CCDC7: variants seen among roughly 807,000 people sequenced by gnomAD.
CCDC7 encodes coiled-coil domain containing 7, also known as coiled-coil domain-containing protein 7.
CCDC7 carries 183 observed loss-of-function variants against 196.9 expected under a neutral mutation model. The ratio of observed to expected loss-of-function variants is 0.93; its 90% CI spans 0.82 to 1.05. The LOEUF (loss-of-function observed/expected upper bound fraction) is 1.05, where lower values mean the gene tolerates loss of function less well. CCDC7 is among the 50% of genes least tolerant of loss of function. The pLI is 0.00. For synonymous variants in CCDC7, 525 were observed against 484.6 expected, an observed-to-expected ratio of 1.08 and a Z score of -1.10; for missense variants, 1,540 against 1,482.2, an observed-to-expected ratio of 1.04 and a Z score of -0.64.
At chr10:32,772,956 C>T (rs556283798) in intron 28 of CCDC7, among the ~76,000 whole-genome samples, 2 of 152,232 alleles carry the variant, frequency 1.3e-5, no homozygotes, top group South Asian at 2.1e-4. Context: ...TGTTCAGGTT[C>T]GGCATCACTT....
chr10:32,506,446 CG>C (rs2045137830), intron 9 of CCDC7, among the ~76,000 whole-genome samples: 1 of 152,118 alleles, frequency 6.6e-6, no homozygotes, highest in Admixed American at 6.5e-5. Context: ...ACTTCCTAGA[CG>C]GGGTGGCAGG....
chr10:32,462,952 T>C lies in CCDC7; in HGVS notation c.478-65T>C. On this transcript the variant is annotated intron_variant, in intron 4 of 41. Coordinates refer to ENST00000639629, the Ensembl canonical transcript of CCDC7. ...ACAGACACACATTTATATAGATATT[T>C]ATTTCATCAGTGCAATTTAAGTAGT... The C allele has an allele frequency of 3.8e-6, 6 of 1,597,332 alleles. No homozygotes were observed. The South Asian group carries it at 6.7e-5, about 18-fold the overall frequency.
intron 33 of CCDC7, among the ~76,000 whole-genome samples, chr10:32,843,610 G>A (rs1339777497): frequency 6.6e-6 from 1 of 152,006 alleles, no homozygotes; most frequent in African/African-American, 2.4e-5. Context: ...AAACATGAAT[G>A]TTACTAGATT....
At chr10:32,845,843 T>C (rs755890428) in intron 35 of CCDC7, 33 bp from the exon 37 acceptor site, 4 of 1,502,702 alleles carry the variant, frequency 2.7e-6, no homozygotes, top group Non-Finnish European at 3.7e-6. Flanking sequence ...GTTTACCTTA[T>C]AAAATATATT....
At chr10:32,516,129 C>T (rs2046992619) in intron 9 of CCDC7, among the ~76,000 whole-genome samples, 1 of 151,756 alleles carries the variant, frequency 6.6e-6, no homozygotes, top group Admixed American at 6.6e-5. Flanking sequence ...TGCTAAAGTA[C>T]TTAGAAGAAT....
chr10:32,781,691 A>G (rs1425842494), intron 29 of CCDC7, among the ~76,000 whole-genome samples: 1 of 152,224 alleles, frequency 6.6e-6, no homozygotes, highest in Non-Finnish European at 1.5e-5. Flanking sequence ...ATCCACAACT[A>G]ACATCATATT....
intron 8 of CCDC7, among the ~76,000 whole-genome samples, chr10:32,474,528 C>G (rs529810117): frequency 6.6e-6 from 1 of 151,910 alleles, no homozygotes; most frequent in Non-Finnish European, 1.5e-5. Flanking sequence ...TGAGCCACTG[C>G]GCCCGGCCTA....
At chr10:32,466,157 C>T (rs950577977) in intron 5 of CCDC7, among the ~76,000 whole-genome samples, 1 of 151,908 alleles carries the variant, frequency 6.6e-6, no homozygotes, top group African/African-American at 2.4e-5. Context: ...ATGTTTAAAC[C>T]CATAATTACT....
chr10:32,815,868 G>A (rs907034937), intron 31 of CCDC7, among the ~76,000 whole-genome samples: 7 of 152,306 alleles, frequency 4.6e-5, no homozygotes, highest in African/African-American at 1.4e-4. Flanking sequence ...AAGAGCGGTG[G>A]AGCCAAGATG....
chr10:32,467,547 C>A (rs2037094906), intron 5 of CCDC7, among the ~76,000 whole-genome samples: 1 of 152,106 alleles, frequency 6.6e-6, no homozygotes, highest in Non-Finnish European at 1.5e-5. Context: ...TGCCTGTTTA[C>A]TCTGTTGGTA....
At chr10:32,461,333 T>A (rs1255703284) in intron 3 of CCDC7, among the ~76,000 whole-genome samples, 1 of 152,164 alleles carries the variant, frequency 6.6e-6, no homozygotes, top group Non-Finnish European at 1.5e-5. Context: ...GGCAAAATCA[T>A]CTAACACAAA....
chr10:32,456,315 C>G, exon 3 of CCDC7: 1 of 1,570,708 alleles, frequency 6.4e-7, no homozygotes, highest in Non-Finnish European at 8.7e-7. Context: ...CTAGAAGAAG[C>G]ACTTAAAGAA....
At chr10:32,606,762 A>T (rs937616737) in intron 18 of CCDC7, among the ~76,000 whole-genome samples, 1 of 152,262 alleles carries the variant, frequency 6.6e-6, no homozygotes, top group East Asian at 1.9e-4. Flanking sequence ...AAATAAATAA[A>T]TTGGCTTTGA....
intron 18 of CCDC7, among the ~76,000 whole-genome samples, chr10:32,601,838 C>T (rs1198747060): frequency 6.6e-6 from 1 of 152,110 alleles, no homozygotes; most frequent in African/African-American, 2.4e-5. Flanking sequence ...CTGTGTGTAG[C>T]TAAAGGATTG....
intron 39 of CCDC7, among the ~76,000 whole-genome samples, chr10:32,850,765 G>A (rs921996558): frequency 6.9e-6 from 1 of 145,396 alleles, no homozygotes; most frequent in African/African-American, 2.6e-5. Flanking sequence ...AATGTCACTT[G>A]TCTCTGACAA....
At chr10:32,633,116 G>T (rs2065100317) in intron 18 of CCDC7, among the ~76,000 whole-genome samples, 1 of 152,062 alleles carries the variant, frequency 6.6e-6, no homozygotes, top group African/African-American at 2.4e-5. Flanking sequence ...TCACACATAG[G>T]ATTTTAACCT....
At chr10:32,470,376 G>A (rs2037700017) in intron 5 of CCDC7, among the ~76,000 whole-genome samples, 1 of 152,040 alleles carries the variant, frequency 6.6e-6, no homozygotes, top group African/African-American at 2.4e-5. Flanking sequence ...TATTCTGCTT[G>A]TTTATGTCTC....
intron 9 of CCDC7, among the ~76,000 whole-genome samples, chr10:32,506,168 A>T (rs1329985982): frequency 7.0e-6 from 1 of 143,394 alleles, no homozygotes; most frequent in East Asian, 2.1e-4. Flanking sequence ...GGCGCTCCTC[A>T]CTTCCCATTC....
At chr10:32,787,999 G>T (rs1000792947) in intron 29 of CCDC7, among the ~76,000 whole-genome samples, 1 of 152,106 alleles carries the variant, frequency 6.6e-6, no homozygotes, top group African/African-American at 2.4e-5. Flanking sequence ...AAGCTCCAGT[G>T]ATCCCAGCCT....
Sources: gnomAD v4.1 joint callset for allele counts (sites outside exome capture counted in the v4.1 genomes callset) on GRCh38, gnomAD v4.1.1 for gene constraint, MANE v1.5 for transcripts, NCBI Gene and HGNC (gene_info 2026-07-23, HGNC 2026-07-21) for gene names.